SEC61A2: variants seen among roughly 807,000 people sequenced by gnomAD.
The protein encoded by SEC61A2 is protein transport protein Sec61 subunit alpha isoform 2.
Under a neutral mutation model 59.9 loss-of-function variants are expected in SEC61A2, and 28 were observed. The observed-to-expected ratio is 0.47, with a 90% CI of 0.35 to 0.64. The LOEUF is 0.64. SEC61A2 is among the 30% of genes least tolerant of loss of function. SEC61A2 has a pLI of 0.01. For synonymous variants in SEC61A2, 202 were observed against 214.4 expected (o/e 0.94, Z 0.50); for missense variants, 340 against 585.9 (o/e 0.58, Z 4.33).
chr10:12,167,429 G>A (rs1834729457), downstream of SEC61A2: 2 of 343,856 alleles, frequency 5.8e-6, no homozygotes, highest in South Asian at 5.9e-5. Context: ...AAGTAACTGA[G>A]CTGTAGTTAA....
At chr10:12,150,168 A>G (rs1834241955) in intron 6 of SEC61A2, among the ~76,000 whole-genome samples, 1 of 152,198 alleles carries the variant, frequency 6.6e-6, no homozygotes, top group Non-Finnish European at 1.5e-5. Flanking sequence ...GACGTGAAAA[A>G]TTCAAATTTA....
rs61848301 is a variant in SEC61A2, at chr10:12,134,163, T to C, written c.75+855T>C. On this transcript the variant is annotated intron_variant, in intron 2 of 11. Coordinates refer to ENST00000298428, the MANE Select transcript of SEC61A2 (RefSeq NM_018144.4). ...CTGGGACTACAGGCGCCCACCACCA[T>C]GCCCGGCTAATTTTTTTGTATTTTT... 8.9e-3 allele frequency among the ~76,000 whole-genome samples: 1,355 copies of C among 152,226 alleles called. 11 individuals carry two copies. Among genetic ancestry groups the C allele is most frequent in the Non-Finnish European group, 0.016 (1,087 of 68,010 alleles).
In SEC61A2 at chr10:12,155,456, G is replaced by C; in HGVS notation, c.463-322G>C. The C allele has an allele frequency of 9.4e-7, 1 of 1,063,898 alleles. No homozygotes were observed. The highest frequency in any genetic ancestry group is 1.3e-6 in the Non-Finnish European group (1 of 755,484). 65.9% of individuals were successfully genotyped at this position (1,063,898 alleles called of 1,614,324 possible). ...GCTGTCATAAATTCTAGAATACTGT[G>C]ATCATTTTTTGTTTCAGTGTGCTTT... On this transcript the variant is annotated intron_variant, in intron 6 of 11. Coordinates refer to ENST00000298428, the MANE Select transcript of SEC61A2 (RefSeq NM_018144.4). This position sits in a 1 kb window ranked among gnomAD's most constrained non-coding sequence, Gnocchi z 4.3.
At chr10:12,150,918 GTGCCTGCCACCA>G (rs957691081) in intron 6 of SEC61A2, among the ~76,000 whole-genome samples, 17 of 152,060 alleles carry the variant, frequency 1.1e-4, no homozygotes, top group Non-Finnish European at 2.2e-4. Flanking sequence ...GGGCTTACAG[GTGCCTGCCACCA>G]CGCCCAGCTA....
chr10:12,145,133 A>T lies in SEC61A2; in HGVS notation c.220+1938A>T, dbSNP rs1264512062. On this transcript the variant is annotated intron_variant, in intron 4 of 11. Transcript: ENST00000298428. The surrounding 1 kb of genome is among the most constrained non-coding windows in gnomAD (Gnocchi z 4.4). ...GGAGTGATGGGACCTGATGTTGCAG[A>T]TGTATCTAAGTCAGATCATGAAGGG... 6.6e-6 allele frequency among the ~76,000 whole-genome samples: 1 copy of T among 152,072 alleles called. No individual in the cohort carries two copies.
In SEC61A2 at chr10:12,143,286, A is replaced by T. The variant is rs1588634679; in HGVS notation, c.220+91A>T. The T allele has an allele frequency of 2.2e-6, 2 of 910,066 alleles. No homozygotes were observed. The highest frequency in any genetic ancestry group is 4.8e-5 in the East Asian group (2 of 41,478). The allele number at this position is 910,066 out of a possible 1,614,324, so 56.4% of individuals were successfully genotyped here. ...CAATGAGTTTTCAATGTCTACAGGGAGGGGGAGGATATCATTGCCTAGAAA... is the reference window on the plus strand; with the variant it reads ...CAATGAGTTTTCAATGTCTACAGGGTGGGGGAGGATATCATTGCCTAGAAA... On this transcript the variant is annotated intron_variant, in intron 4 of 11. Transcript: ENST00000298428. This position sits in a 1 kb window ranked among gnomAD's most constrained non-coding sequence, Gnocchi z 4.8.
rs531453261 is a variant in SEC61A2 at position 12,136,181 on chromosome 10, A to G, written c.141+11A>G. On this transcript the variant is annotated intron_variant, in intron 3 of 11. Transcript: ENST00000298428. ...TTAGTGTGTTGTCAGGTATGTAACT[A>G]TACTATTAAATAAATGTCTGCACCA... is the stretch of plus-strand genomic sequence containing the variant. 6.8e-7 allele frequency: 1 copy of G among 1,474,322 alleles called. No individual in the cohort carries two copies. The highest frequency in any genetic ancestry group is 1.1e-5 in the South Asian group (1 of 87,702). 91.3% of individuals were successfully genotyped at this position (1,474,322 alleles called of 1,614,324 possible).
chr10:12,169,458 G>A (rs1588653312), downstream of SEC61A2: 3 of 643,236 alleles, frequency 4.7e-6, no homozygotes, highest in Non-Finnish European at 7.9e-6. This position sits in a 1 kb window ranked among gnomAD's most constrained non-coding sequence, Gnocchi z 4.8. Context: ...CCTGTTTGAT[G>A]TGATAGCTAA....
rs919871131 is a variant in SEC61A2 at position 12,154,185 on chromosome 10, A to G, written c.463-1593A>G. Among the ~76,000 whole-genome samples the G allele has an allele frequency of 6.6e-6, 1 of 152,158 alleles. No individual in the cohort carries two copies. Among genetic ancestry groups the G allele is most frequent in the Non-Finnish European group, 1.5e-5 (1 of 68,030 alleles). ...CGCTGCTGTCACTTCCTGGGTTCTC[A>G]TCCCTTTTCACAGGCATGCATGATA... On this transcript the variant is annotated intron_variant, in intron 6 of 11. Transcript: ENST00000298428. This position sits in a 1 kb window ranked among gnomAD's most constrained non-coding sequence, Gnocchi z 5.2.
chr10:12,168,867 A>T (rs1393558203), downstream of SEC61A2, among the ~76,000 whole-genome samples: 4 of 152,012 alleles, frequency 2.6e-5, no homozygotes, highest in Non-Finnish European at 2.9e-5. This position sits in a 1 kb window ranked among gnomAD's most constrained non-coding sequence, Gnocchi z 4.8. Flanking sequence ...GGTTCAAGCG[A>T]TTCTCCTGCC....
At position 12,153,683 on chromosome 10, in the gene SEC61A2, G is replaced by C. The variant is rs930105320; in HGVS notation, c.463-2095G>C. 7.6e-6 allele frequency: 12 copies of C among 1,584,506 alleles called. No individual in the cohort carries two copies. The highest frequency in any genetic ancestry group is 2.3e-5 in the East Asian group (1 of 44,428). ...AATTCTTCTAATGTTAATATATAAAGAGGGGTGTCATGTTTGATTGTAGGT... is the reference window on the plus strand; with the variant it reads ...AATTCTTCTAATGTTAATATATAAACAGGGGTGTCATGTTTGATTGTAGGT... On this transcript the variant is annotated intron_variant, in intron 6 of 11. Coordinates refer to ENST00000298428, the MANE Select transcript of SEC61A2 (RefSeq NM_018144.4). This position sits in a 1 kb window ranked among gnomAD's most constrained non-coding sequence, Gnocchi z 5.2.
chr10:12,164,165 T>A lies in SEC61A2; in HGVS notation c.1245-103T>A. 1 of 1,380,956 alleles carries A rather than the reference T, an allele frequency of 7.2e-7. No individual in the cohort carries two copies. Among genetic ancestry groups the A allele is most frequent in the South Asian group, 1.3e-5 (1 of 76,642 alleles). The allele number at this position is 1,380,956 out of a possible 1,614,324, so 85.5% of individuals were successfully genotyped here. A position where few individuals can be genotyped will look rare whatever the true frequency, so the allele number is the denominator to read the frequency against. ...TGTTCCCTCTGGAGTTCAGGGAGGC[T>A]TTAGACCCAGCTATGGCTGCTGCGC... On this transcript the variant is annotated intron_variant, in intron 11 of 11. Coordinates refer to ENST00000298428, the MANE Select transcript of SEC61A2 (RefSeq NM_018144.4). This position sits in a 1 kb window ranked among gnomAD's most constrained non-coding sequence, Gnocchi z 7.3.
rs1221856010 is a variant in SEC61A2 at position 12,142,802 on chromosome 10, C to T, written c.142-315C>T. On this transcript the variant is annotated intron_variant, in intron 3 of 11. Transcript: ENST00000298428. The surrounding 1 kb of genome is among the most constrained non-coding windows in gnomAD (Gnocchi z 5.4). ...TCTTTTAATTATTTTTTTTATTAAC[C>T]CTTATCTATGTGATGGAATGTTTTT... Among the ~76,000 whole-genome samples the T allele has an allele frequency of 6.6e-6, 1 of 151,646 alleles. No homozygotes were observed. Among genetic ancestry groups the T allele is most frequent in the Admixed American group, 6.6e-5 (1 of 15,232 alleles).
chr10:12,137,809 C>G (rs1183751967), intron 3 of SEC61A2, among the ~76,000 whole-genome samples: 1 of 151,956 alleles, frequency 6.6e-6, no homozygotes, highest in Non-Finnish European at 1.5e-5. Context: ...GAGTTGAGAC[C>G]AGTCTGGTCA....
At chr10:12,140,394 A>G (rs1833991594) in intron 3 of SEC61A2, among the ~76,000 whole-genome samples, 1 of 152,174 alleles carries the variant, frequency 6.6e-6, no homozygotes, top group Non-Finnish European at 1.5e-5. Flanking sequence ...ATAAGCTCCT[A>G]TTGTTGCCCA....
rs570910502 is a variant in SEC61A2 at position 12,162,118 on chromosome 10, G to A, written c.1168-95G>A. On this transcript the variant is annotated intron_variant, in intron 10 of 11. Coordinates refer to ENST00000298428, the MANE Select transcript of SEC61A2 (RefSeq NM_018144.4). This position sits in a 1 kb window ranked among gnomAD's most constrained non-coding sequence, Gnocchi z 6.1. ...CAACTTTCAGGTTATTGTATGTTAC[G>A]TGTTAGTGTGTGGCGAGCACTTCGC... 502 of 893,626 alleles carry A rather than the reference G, an allele frequency of 5.6e-4. 3 individuals carry two copies. In the South Asian group the frequency reaches 6.7e-3, roughly 12 times the overall value. The allele number at this position is 893,626 out of a possible 1,614,324, so 55.4% of individuals were successfully genotyped here.
At chr10:12,146,675 G>A (rs535343441) in intron 4 of SEC61A2, among the ~76,000 whole-genome samples, 13 of 151,764 alleles carry the variant, frequency 8.6e-5, no homozygotes, top group East Asian at 3.9e-4. Context: ...CCGCCACCAC[G>A]CCCTGCTAAT....
In SEC61A2 at chr10:12,155,740, G is replaced by C; in HGVS notation, c.463-38G>C. 1 of 1,612,816 alleles carries C rather than the reference G, an allele frequency of 6.2e-7. No individual in the cohort carries two copies. The highest frequency in any genetic ancestry group is 1.1e-5 in the South Asian group (1 of 91,030). On this transcript the variant is annotated intron_variant, in intron 6 of 11. Coordinates refer to ENST00000298428, the MANE Select transcript of SEC61A2 (RefSeq NM_018144.4). This position sits in a 1 kb window ranked among gnomAD's most constrained non-coding sequence, Gnocchi z 4.3. ...GTTCCTCTCCCCCTTTCTTGAGTTT[G>C]TTCTTGCTTCCGCTTACTTGCATTT...
rs1834320063 is a variant in SEC61A2 at position 12,153,192 on chromosome 10, C to T, written c.463-2586C>T. Among the ~76,000 whole-genome samples the T allele has an allele frequency of 6.6e-6, 1 of 151,918 alleles. No individual in the cohort carries two copies. The highest frequency in any genetic ancestry group is 2.1e-4 in the South Asian group (1 of 4,830). ...ATGGGGAGAGATGATATTCTGGAGT[C>T]TGATTTTAGTATCTTTCAGGGCTTA... On this transcript the variant is annotated intron_variant, in intron 6 of 11. Coordinates refer to ENST00000298428, the MANE Select transcript of SEC61A2 (RefSeq NM_018144.4). This position sits in a 1 kb window ranked among gnomAD's most constrained non-coding sequence, Gnocchi z 5.2.
Sources: gnomAD v4.1 joint callset for allele counts (sites outside exome capture counted in the v4.1 genomes callset) on GRCh38, gnomAD v4.1.1 for gene constraint, Gnocchi (gnomAD v3.1) non-coding constraint, MANE v1.5 for transcripts, NCBI Gene and HGNC (gene_info 2026-07-23, HGNC 2026-07-21) for gene names.